KDM1B: variants seen among roughly 807,000 people sequenced by gnomAD.
KDM1B encodes lysine demethylase 1B.
In KDM1B, 63 loss-of-function variants were observed where a neutral mutation model predicts 107.4. The observed-to-expected ratio is 0.59, with a 90% CI of 0.48 to 0.72. The LOEUF (loss-of-function observed/expected upper bound fraction) is 0.72. KDM1B is among the 30% of genes least tolerant of loss of function. KDM1B has a pLI of 0.00. For synonymous variants in KDM1B, 363 were observed against 363.9 expected (o/e 1.00, Z 0.03); for missense variants, 749 against 1,020.8 (o/e 0.73, Z 3.63).
At chr6:18,181,115 A>C (rs1472837990) in intron 7 of KDM1B, among the ~76,000 whole-genome samples, 2 of 152,234 alleles carry the variant, frequency 1.3e-5, no homozygotes, top group African/African-American at 4.8e-5. Flanking sequence ...CAAATGATAC[A>C]TGTTCATTAT....
In KDM1B at chr6:18,197,623, T is replaced by C. The variant is rs371275619; in HGVS notation, c.1183T>C (p.Leu395=). 3.1e-6 allele frequency: 5 copies of C among 1,614,100 alleles called. No individual in the cohort carries two copies. Among genetic ancestry groups the C allele is most frequent in the Non-Finnish European group, 4.2e-6 (5 of 1,179,958 alleles). The change falls in exon 12 of 22, where the codon TTA becomes CTA. Residue 395 remains leucine, a synonymous_variant. Transcript: ENST00000650836. This position sits in a 1 kb window ranked among gnomAD's most constrained non-coding sequence, Gnocchi z 4.5. ...VIIIGAGPAG[L]AAARQLHNFG... is the part of the protein sequence containing the mutation. ...CATTATCGGGGCTGGTCCAGCAGGA[T>C]TAGCAGCTGCTAGGCAACTGCATAA...
chr6:18,171,233 G>T, intron 6 of KDM1B, 130 bp from the exon 7 acceptor site: 1 of 687,440 alleles, frequency 1.5e-6, no homozygotes, highest in Non-Finnish European at 2.7e-6. Flanking sequence ...ATGGATGATG[G>T]TAATGCAAGG....
chr6:18,219,639 C>T (rs1455981202), intron 21 of KDM1B, among the ~76,000 whole-genome samples: 1 of 152,202 alleles, frequency 6.6e-6, no homozygotes, highest in African/African-American at 2.4e-5. Flanking sequence ...TCCTCAGTCT[C>T]AGAGTTCTTA....
Position 18,203,470 on chromosome 6 carries a change from G to T in KDM1B, c.1531+1813G>T, listed in dbSNP as rs1242024111. The stretch of plus-strand genomic sequence containing the variant: ...TGAGATCTCATCTTACCAGCACAAA[G>T]CTGGGGAAACTCAAATCTAAATACT... On this transcript the variant is annotated intron_variant, in intron 14 of 21. Coordinates refer to ENST00000650836, the MANE Select transcript of KDM1B (RefSeq NM_001364614.2). This position sits in a 1 kb window ranked among gnomAD's most constrained non-coding sequence, Gnocchi z 5.5. 6.6e-6 allele frequency among the ~76,000 whole-genome samples: 1 copy of T among 152,146 alleles called. No homozygotes were observed. The highest frequency in any genetic ancestry group is 1.5e-5 in the Non-Finnish European group (1 of 68,016).
At chr6:18,167,790 C>T (rs1232273892) in intron 6 of KDM1B, among the ~76,000 whole-genome samples, 1 of 151,586 alleles carries the variant, frequency 6.6e-6, no homozygotes, top group African/African-American at 2.4e-5. Flanking sequence ...TAAGATGGGG[C>T]CTTGCTCTGT....
rs1378427216 is a variant in KDM1B at position 18,173,413 on chromosome 6, T to A, written c.534+1934T>A. Among the ~76,000 whole-genome samples the A allele has an allele frequency of 5.3e-5, 8 of 152,218 alleles. No homozygotes were observed. In the East Asian group the frequency reaches 1.5e-3, roughly 29 times the overall value. On this transcript the variant is annotated intron_variant, in intron 7 of 21. Coordinates refer to ENST00000650836, the MANE Select transcript of KDM1B (RefSeq NM_001364614.2). The stretch of plus-strand genomic sequence containing the variant: ...TGTAGTTCTTTATGTAATCTGGATA[T>A]AACCATGTATTTTGAATATTTTTTC...
Position 18,201,456 on chromosome 6 carries a change from T to C in KDM1B, c.1360-30T>C. 1 of 1,505,972 alleles carries C rather than the reference T, an allele frequency of 6.6e-7. No homozygotes were observed. The highest frequency in any genetic ancestry group is 1.3e-5 in the South Asian group (1 of 78,506). The allele number at this position is 1,505,972 out of a possible 1,614,324, so 93.3% of individuals were successfully genotyped here. A position where few individuals can be genotyped will look rare whatever the true frequency, so the allele number is the denominator to read the frequency against. ...GTAAATATTTTTTTCCAGGGAAAAT[T>C]TTCACCTTCTTATTCTTATTATTTT... On this transcript the variant is annotated intron_variant, in intron 13 of 21. Coordinates refer to ENST00000650836, the MANE Select transcript of KDM1B (RefSeq NM_001364614.2). This position sits in a 1 kb window ranked among gnomAD's most constrained non-coding sequence, Gnocchi z 4.3.
intron 7 of KDM1B, among the ~76,000 whole-genome samples, chr6:18,174,059 C>G (rs1357055078): frequency 6.6e-6 from 1 of 152,204 alleles, no homozygotes; most frequent in East Asian, 1.9e-4. Flanking sequence ...GTTGGGATTA[C>G]AGGCGTGAGC....
chr6:18,216,411 A>G (rs1789239292), intron 20 of KDM1B, among the ~76,000 whole-genome samples: 1 of 152,330 alleles, frequency 6.6e-6, no homozygotes, highest in East Asian at 1.9e-4. Flanking sequence ...GAGAGGATCT[A>G]TCTAATGATG....
At chr6:18,202,815 C>G (rs1163867058) in intron 14 of KDM1B, among the ~76,000 whole-genome samples, 1 of 152,150 alleles carries the variant, frequency 6.6e-6, no homozygotes, top group Non-Finnish European at 1.5e-5. Flanking sequence ...AACCCACCAC[C>G]TCTAGGAGAC....
In KDM1B at chr6:18,164,657, GTTTCT is replaced by G. The variant is rs948861586; in HGVS notation, c.306-1596_306-1592del. ...TTCTGAGTCTTTGTATTTAGAGTAG[GTTTCT>G]TTTCTTTTCTTTTGAGACAGGGTCT... is the stretch of plus-strand genomic sequence containing the variant. On this transcript the variant is annotated intron_variant, in intron 5 of 21. Transcript: ENST00000650836. 5.3e-5 allele frequency among the ~76,000 whole-genome samples: 8 copies of G among 151,780 alleles called. 1 individual carries two copies. The South Asian group carries it at 8.3e-4, about 16-fold the overall frequency.
At position 18,167,109 on chromosome 6, in the gene KDM1B, C is replaced by A. The variant is rs540175408; in HGVS notation, c.417+731C>A. Among the ~76,000 whole-genome samples the A allele has an allele frequency of 1.6e-4, 25 of 152,150 alleles. 1 individual carries two copies. The South Asian group carries it at 5.2e-3, about 32-fold the overall frequency. On this transcript the variant is annotated intron_variant, in intron 6 of 21. Transcript: ENST00000650836. ...CTGTGGCTCACACCTGTCATCCTAGCACTTTGGGAGGCTGAGGTGGGCAGA... is the reference window on the plus strand; with the variant it reads ...CTGTGGCTCACACCTGTCATCCTAGAACTTTGGGAGGCTGAGGTGGGCAGA...
At chr6:18,164,344 C>T (rs1048657537) in intron 5 of KDM1B, among the ~76,000 whole-genome samples, 2 of 151,924 alleles carry the variant, frequency 1.3e-5, no homozygotes, top group Non-Finnish European at 2.9e-5. Context: ...GTATGGCTGG[C>T]CTTGAATTCC....
chr6:18,182,526 C>G (rs931126648), intron 7 of KDM1B, among the ~76,000 whole-genome samples: 5 of 151,834 alleles, frequency 3.3e-5, no homozygotes, highest in Admixed American at 3.3e-4. Flanking sequence ...GCTCTTCTTT[C>G]TCTTCATTTT....
Position 18,223,224 on chromosome 6 carries a change from C to T in KDM1B, c.*1232C>T, listed in dbSNP as rs1480797347. 6.6e-6 allele frequency: 1 copy of T among 152,386 alleles called. No homozygotes were observed. Among genetic ancestry groups the T allele is most frequent in the Non-Finnish European group, 1.5e-5 (1 of 68,014 alleles). The allele number at this position is 152,386 out of a possible 1,614,324, so 9.4% of individuals were successfully genotyped here. A position where few individuals can be genotyped will look rare whatever the true frequency, so the allele number is the denominator to read the frequency against. On this transcript the variant is annotated 3_prime_UTR_variant, in exon 22 of 22. Coordinates refer to ENST00000650836, the MANE Select transcript of KDM1B (RefSeq NM_001364614.2). ...ACTAAATATGACTTTAAAGAGACTTCAAAATATTGAGTATTTTAAAAATTT... is the reference window on the plus strand; with the variant it reads ...ACTAAATATGACTTTAAAGAGACTTTAAAATATTGAGTATTTTAAAAATTT...
At position 18,186,960 on chromosome 6, in the gene KDM1B, A is replaced by G. The variant is rs1379077674; in HGVS notation, c.574-832A>G. On this transcript the variant is annotated intron_variant, in intron 8 of 21. Coordinates refer to ENST00000650836, the MANE Select transcript of KDM1B (RefSeq NM_001364614.2). This position sits in a 1 kb window ranked among gnomAD's most constrained non-coding sequence, Gnocchi z 5.6. Reference sequence around the variant, plus strand: ...AGCCAAACCATATCAGTATGTATATATGTGTGTGTGTGTACACACACACAC... The same window carrying G: ...AGCCAAACCATATCAGTATGTATATGTGTGTGTGTGTGTACACACACACAC... Among the ~76,000 whole-genome samples the G allele has an allele frequency of 1.7e-5, 2 of 118,218 alleles. No individual in the cohort carries two copies. The highest frequency in any genetic ancestry group is 6.8e-5 in the African/African-American group (2 of 29,480). 77.6% of individuals were successfully genotyped at this position (118,218 alleles called of 152,430 possible).
chr6:18,176,698 A>G (rs13201868), intron 7 of KDM1B, among the ~76,000 whole-genome samples: 140,683 of 152,244 alleles, frequency 0.92, 65,064 homozygotes, highest in African/African-American at 0.93. Context: ...CTTTTTCTGC[A>G]TCTATTGAGA....
Position 18,214,056 on chromosome 6 carries a change from A to T in KDM1B, c.2109+275A>T, listed in dbSNP as rs1222937314. Among the ~76,000 whole-genome samples, 1 of 152,162 alleles carries T rather than the reference A, an allele frequency of 6.6e-6. No homozygotes were observed. Among genetic ancestry groups the T allele is most frequent in the Non-Finnish European group, 1.5e-5 (1 of 68,024 alleles). Reference sequence around the variant, plus strand: ...TTCAGGCTATGGGGGAATTCCTCTTAGGTGAAGTTGGAGACATCAGAGTCA... The same window carrying T: ...TTCAGGCTATGGGGGAATTCCTCTTTGGTGAAGTTGGAGACATCAGAGTCA... On this transcript the variant is annotated intron_variant, in intron 19 of 21. Transcript: ENST00000650836. This position sits in a 1 kb window ranked among gnomAD's most constrained non-coding sequence, Gnocchi z 4.4.
In KDM1B at chr6:18,162,442, C is replaced by T. The variant is rs908432227; in HGVS notation, c.216-393C>T. ...TTGACAAGTTATCTTTGCCAAATTG[C>T]CTGCTTGATGTTCAGATTTCAGCTG... On this transcript the variant is annotated intron_variant, in intron 4 of 21. Coordinates refer to ENST00000650836, the MANE Select transcript of KDM1B (RefSeq NM_001364614.2). The surrounding 1 kb of genome is among the most constrained non-coding windows in gnomAD (Gnocchi z 4.1). Among the ~76,000 whole-genome samples, 1 of 152,132 alleles carries T rather than the reference C, an allele frequency of 6.6e-6. No individual in the cohort carries two copies. Among genetic ancestry groups the T allele is most frequent in the African/African-American group, 2.4e-5 (1 of 41,426 alleles).
Sources: gnomAD v4.1 joint callset for allele counts (sites outside exome capture counted in the v4.1 genomes callset) on GRCh38, gnomAD v4.1.1 for gene constraint, Gnocchi (gnomAD v3.1) non-coding constraint, MANE v1.5 for transcripts, NCBI Gene and HGNC (gene_info 2026-07-23, HGNC 2026-07-21) for gene names.